Variants in LRRC20 observed in about 807,000 individuals in gnomAD.
The protein encoded by LRRC20 is leucine rich repeat containing 20, also known as leucine-rich repeat-containing protein 20.
LRRC20 carries 11 observed loss-of-function variants against 14.4 expected under a neutral mutation model. The observed-to-expected ratio is 0.77, with a 90% CI of 0.48 to 1.27. The LOEUF (loss-of-function observed/expected upper bound fraction) is 1.27. Among genes scored for constraint, LRRC20 ranks in the 50% most tolerant of loss-of-function variants. The pLI is 0.00. For synonymous variants in LRRC20, 121 were observed against 107.3 expected (o/e 1.13, Z -0.79); for missense variants, 219 against 251.2 (o/e 0.87, Z 0.87).
chr10:70,299,932 C>G lies in LRRC20; in HGVS notation c.*1422G>C, dbSNP rs1450696925. ...AGAGACCTGGGCAGGGACGAGGGAA[C>G]TGGGAGCATTCTGAGCAGGGATTAC... On this transcript the variant is annotated 3_prime_UTR_variant, in exon 5 of 5. Coordinates refer to ENST00000446961, the MANE Select transcript of LRRC20 (RefSeq NM_001278212.2). 1 of 152,288 alleles carries G rather than the reference C, an allele frequency of 6.6e-6. No homozygotes were observed. Among genetic ancestry groups the G allele is most frequent in the African/African-American group, 2.4e-5 (1 of 41,444 alleles). 9.4% of individuals were successfully genotyped at this position (152,288 alleles called of 1,614,324 possible).
Position 70,321,358 on chromosome 10 carries a change from T to C in LRRC20, c.400+2505A>G, listed in dbSNP as rs562175487. On this transcript the variant is annotated intron_variant, in intron 4 of 4. Transcript: ENST00000446961. ...CCCCTCCTTCCTCCAGCAGGCCCTT[T>C]CATTCTCACCTCCCTCCAGCCTGGG... Among the ~76,000 whole-genome samples the C allele has an allele frequency of 3.9e-5, 6 of 152,268 alleles. 1 individual carries two copies. The East Asian group carries it at 1.2e-3, about 29-fold the overall frequency.
At chr10:70,351,967 T>C (rs1843328278) in intron 2 of LRRC20, among the ~76,000 whole-genome samples, 1 of 152,222 alleles carries the variant, frequency 6.6e-6, no homozygotes, top group African/African-American at 2.4e-5. Flanking sequence ...TGAAGCCGAG[T>C]AAACTACAAC....
chr10:70,364,781 G>T lies in LRRC20; in HGVS notation c.82+11671C>A, dbSNP rs777064966. ...TGGACACACCCCTCGCGCTAGCCTT[G>T]GTCTCCCTGTTTGATTCCACAGCTC... is the stretch of plus-strand genomic sequence containing the variant. On this transcript the variant is annotated intron_variant, in intron 2 of 4. Transcript: ENST00000446961. 7.2e-5 allele frequency among the ~76,000 whole-genome samples: 11 copies of T among 152,146 alleles called. No homozygotes were observed. In the South Asian group the frequency reaches 1.0e-3, roughly 14 times the overall value.
At chr10:70,334,187 G>A (rs1478885097) in intron 3 of LRRC20, among the ~76,000 whole-genome samples, 2 of 151,608 alleles carry the variant, frequency 1.3e-5, no homozygotes, top group African/African-American at 2.4e-5. Flanking sequence ...TGACAGAGTA[G>A]ATCTGCCTGA....
At chr10:70,308,218 G>A (rs1203933892) in intron 4 of LRRC20, among the ~76,000 whole-genome samples, 1 of 152,230 alleles carries the variant, frequency 6.6e-6, no homozygotes, top group Non-Finnish European at 1.5e-5. Flanking sequence ...CCATTGACAA[G>A]AAGCTGTACA....
chr10:70,342,497 C>T (rs1289344847), intron 2 of LRRC20, among the ~76,000 whole-genome samples: 2 of 151,974 alleles, frequency 1.3e-5, no homozygotes, highest in East Asian at 1.9e-4. Context: ...CAGATAGACC[C>T]TAAAAGCATA....
At position 70,323,975 on chromosome 10, in the gene LRRC20, C is replaced by T; in HGVS notation, c.288G>A (p.Leu96=). The change falls in exon 4 of 5, where the codon CTG becomes CTA. Residue 96 remains leucine, a synonymous_variant. Transcript: ENST00000446961. ...ACAGGTCAATGGCCTTGAGGTGCTGCAGGGCACTGACCTCGCTGGGGAGGC... is the reference window on the plus strand; with the variant it reads ...ACAGGTCAATGGCCTTGAGGTGCTGTAGGGCACTGACCTCGCTGGGGAGGC... The part of the protein sequence containing the change: ...LHRLPSEVSA[L]QHLKAIDLSR... 6.2e-7 allele frequency: 1 copy of T among 1,613,724 alleles called. No homozygotes were observed. The highest frequency in any genetic ancestry group is 2.2e-5 in the East Asian group (1 of 44,880).
rs144727655 is a variant in LRRC20 at position 70,344,528 on chromosome 10, T to TAA, written c.83-3828_83-3827dup. On this transcript the variant is annotated intron_variant, in intron 2 of 4. Transcript: ENST00000446961. ...TAATGAAAAATGTATCTGACCAATA[T>TAA]AAAAAAAAAGTAGAAAAGTTCACAA... Among the ~76,000 whole-genome samples the TAA allele has an allele frequency of 2.0e-5, 3 of 151,426 alleles. No individual in the cohort carries two copies. The East Asian group carries it at 5.8e-4, about 29-fold the overall frequency.
chr10:70,302,321 AAG>A (rs1491022843), intron 4 of LRRC20, among the ~76,000 whole-genome samples: 1 of 152,166 alleles, frequency 6.6e-6, no homozygotes, highest in East Asian at 1.9e-4. Flanking sequence ...TCAAAAAAAA[AAG>A]AGAAAATATT....
intron 3 of LRRC20, among the ~76,000 whole-genome samples, chr10:70,337,420 C>G (rs1257394951): frequency 6.6e-6 from 1 of 152,216 alleles, no homozygotes; most frequent in South Asian, 2.1e-4. Flanking sequence ...TTAGCAGGCA[C>G]TTTGTGATTT....
intron 4 of LRRC20, among the ~76,000 whole-genome samples, chr10:70,313,198 T>C (rs1364440029): frequency 2.0e-5 from 3 of 152,232 alleles, no homozygotes; most frequent in Non-Finnish European, 4.4e-5. Context: ...GCCTGACATT[T>C]ATCCTCCCCG....
At chr10:70,312,079 G>A (rs533075883) in intron 4 of LRRC20, among the ~76,000 whole-genome samples, 5 of 152,246 alleles carry the variant, frequency 3.3e-5, no homozygotes, top group South Asian at 2.1e-4. Context: ...GAGAAGGAGG[G>A]GTCAGGACCT....
chr10:70,329,561 C>A (rs1163828997), intron 3 of LRRC20, among the ~76,000 whole-genome samples: 1 of 124,908 alleles, frequency 8.0e-6, no homozygotes. Flanking sequence ...CTTCTTTTGC[C>A]TTTTTTTTTT....
chr10:70,321,267 G>A (rs10762364), intron 4 of LRRC20, among the ~76,000 whole-genome samples: 43,612 of 152,092 alleles, frequency 0.29, 6,955 homozygotes, highest in East Asian at 0.48. Context: ...TACAAGTAGC[G>A]AAGAGTGCAG....
At chr10:70,324,095 T>A (rs547063259) in intron 3 of LRRC20, 65 bp from the exon 4 acceptor site, 1 of 1,478,498 alleles carries the variant, frequency 6.8e-7, no homozygotes, top group African/African-American at 1.4e-5. Flanking sequence ...CCACAGTGAC[T>A]GCCCGCTGTG....
chr10:70,301,065 T>C lies in LRRC20; in HGVS notation c.*289A>G. The stretch of plus-strand genomic sequence containing the variant: ...CCCAAAGGAGGGAAAGGGTCCTGTT[T>C]TTTTCAAGTGACAAGGCTCAGAGAG... On this transcript the variant is annotated 3_prime_UTR_variant, in exon 5 of 5. Coordinates refer to ENST00000446961, the MANE Select transcript of LRRC20 (RefSeq NM_001278212.2). The C allele has an allele frequency of 8.4e-7, 1 of 1,196,400 alleles. No homozygotes were observed. Among genetic ancestry groups the C allele is most frequent in the Non-Finnish European group, 1.0e-6 (1 of 963,862 alleles). 74.1% of individuals were successfully genotyped at this position (1,196,400 alleles called of 1,614,324 possible).
intron 2 of LRRC20, among the ~76,000 whole-genome samples, chr10:70,359,314 T>G (rs1306996737): frequency 6.6e-6 from 1 of 152,140 alleles, no homozygotes; most frequent in Non-Finnish European, 1.5e-5. Context: ...CCCAGCACTT[T>G]GGGAGGCAGA....
intron 2 of LRRC20, among the ~76,000 whole-genome samples, chr10:70,359,393 T>A (rs1843639184): frequency 6.6e-6 from 1 of 152,050 alleles, no homozygotes; most frequent in Non-Finnish European, 1.5e-5. Context: ...TCCGTCTGTA[T>A]AAAAAATAAA....
At chr10:70,305,724 C>T (rs1025186740) in intron 4 of LRRC20, among the ~76,000 whole-genome samples, 2 of 149,828 alleles carry the variant, frequency 1.3e-5, no homozygotes, top group African/African-American at 4.9e-5. Context: ...TACCAGATGA[C>T]CATTAGCTAG....
Sources: allele counts gnomAD v4.1 joint callset (sites outside exome capture counted in the v4.1 genomes callset), GRCh38; gene constraint gnomAD v4.1.1; transcripts MANE v1.5; gene names NCBI Gene and HGNC (gene_info 2026-07-23, HGNC 2026-07-21).